The following GALNT9 variants were observed in gnomAD, a reference collection of about 807,000 sequenced individuals.
GALNT9 encodes the protein polypeptide N-acetylgalactosaminyltransferase 9.
In GALNT9, 47 loss-of-function variants were observed where a neutral mutation model predicts 63.1. The ratio of observed to expected loss-of-function variants is 0.75; its 90% confidence interval spans 0.59 to 0.95. The LOEUF (loss-of-function observed/expected upper bound fraction) is 0.95. Ranked by LOEUF, GALNT9 falls within the 40% of genes least tolerant of loss-of-function variation. GALNT9 has a pLI of 0.00. For missense variants in GALNT9, 829 were observed against 874.8 expected (o/e 0.95, Z 0.66); for synonymous variants, 396 against 365.7 (o/e 1.08, Z -0.94).
At position 132,201,395 on chromosome 12, in the gene GALNT9, A is replaced by AGGCCCCATCT. The variant is rs1555233498; in HGVS notation, c.1264-135_1264-134insAGATGGGGCC. On this transcript the variant is annotated intron_variant, in intron 7 of 10. Transcript: ENST00000328957. Reference sequence around the variant, plus strand: ...CCTCCCCCCCAGTATTCAGATGCTGAGGCCCCATCCAGTTGGGACCCCCCA... The same window carrying AGGCCCCATCT: ...CCTCCCCCCCAGTATTCAGATGCTGAGGCCCCATCTGGCCCCATCCAGTTGGGACCCCCCA... 3.1e-5 allele frequency: 19 copies of AGGCCCCATCT among 609,112 alleles called. 1 individual carries two copies. The highest frequency in any genetic ancestry group is 1.4e-4 in the South Asian group (7 of 51,276). 37.7% of individuals were successfully genotyped at this position (609,112 alleles called of 1,614,324 possible).
At chr12:132,197,670 G>T (rs1565979056) in intron 10 of GALNT9, 122 bp downstream of exon 10, 2 of 757,930 alleles carry the variant, frequency 2.6e-6, no homozygotes, top group Non-Finnish European at 4.3e-6. Flanking sequence ...CCGGTCCCCT[G>T]ACCACCCCCT....
chr12:132,262,326 G>A, intron 3 of GALNT9, 133 bp downstream of exon 3: 1 of 1,239,660 alleles, frequency 8.1e-7, no homozygotes, highest in Non-Finnish European at 1.1e-6. Flanking sequence ...GACCCCCATA[G>A]GTTTAGAGCC....
intron 7 of GALNT9, 54 bp downstream of exon 7, chr12:132,203,451 C>T (rs1413852458): frequency 6.3e-7 from 1 of 1,578,522 alleles, no homozygotes; most frequent in Non-Finnish European, 8.7e-7. Flanking sequence ...CCTGCCGTGG[C>T]ATTGACCCCG....
intron 5 of GALNT9, 49 bp from the exon 6 acceptor site, chr12:132,248,076 C>G (rs960037516): frequency 1.3e-6 from 2 of 1,514,778 alleles, no homozygotes; most frequent in African/African-American, 2.7e-5. Flanking sequence ...CAGGCCTGAG[C>G]CCTGCCTGCT....
rs371775879 is a variant in GALNT9 at position 132,322,339 on chromosome 12, G to A, written c.238+6627C>T. On this transcript the variant is annotated intron_variant, in intron 1 of 10. Coordinates refer to ENST00000328957, the MANE Select transcript of GALNT9 (RefSeq NM_001122636.2). Reference sequence around the variant, plus strand: ...GGTGGGGACATCTCTGCTCAGGCCCGCGTCCTCAGCGCAGTTCAGGAATGC... The same window carrying A: ...GGTGGGGACATCTCTGCTCAGGCCCACGTCCTCAGCGCAGTTCAGGAATGC... 2.2e-4 allele frequency among the ~76,000 whole-genome samples: 33 copies of A among 152,358 alleles called. 1 individual carries two copies. In the East Asian group the frequency reaches 2.7e-3, roughly 12 times the overall value.
intron 4 of GALNT9, among the ~76,000 whole-genome samples, chr12:132,258,963 G>A (rs1461500460): frequency 4.6e-5 from 7 of 152,244 alleles, no homozygotes; most frequent in African/African-American, 1.7e-4. Flanking sequence ...CTCAGGCAGA[G>A]CCGGCATGGG....
At chr12:132,263,923 T>C (rs1879500940) in intron 2 of GALNT9, among the ~76,000 whole-genome samples, 1 of 152,160 alleles carries the variant, frequency 6.6e-6, no homozygotes, top group Non-Finnish European at 1.5e-5. Flanking sequence ...GTCTCGGGCC[T>C]GGCTGCGGGG....
At chr12:132,303,710 C>A (rs1271497165) in intron 1 of GALNT9, among the ~76,000 whole-genome samples, 1 of 27,122 alleles carries the variant, frequency 3.7e-5, no homozygotes, top group Non-Finnish European at 7.8e-5. Flanking sequence ...CCGGGGCACA[C>A]CCTCACCCGG....
intron 1 of GALNT9, among the ~76,000 whole-genome samples, chr12:132,303,782 C>G (rs1233049860): frequency 5.7e-5 from 3 of 52,564 alleles, no homozygotes; most frequent in Non-Finnish European, 3.5e-5. Context: ...CACCCTCACC[C>G]GGGCACACCC....
At position 132,197,933 on chromosome 12, in the gene GALNT9, C is replaced by T; in HGVS notation, c.1524G>A (p.Leu508=). 1 of 1,611,378 alleles carries T rather than the reference C, an allele frequency of 6.2e-7. No individual in the cohort carries two copies. The highest frequency in any genetic ancestry group is 8.5e-7 in the Non-Finnish European group (1 of 1,179,320). ...SQLVRYSADG[L]LQLGPLGSTA... is the part of the protein sequence containing the mutation. ...TGGAGCCCAGAGGCCCCAGCTGCAG[C>T]AGTCCATCAGCGCTGTACCGCACCA... Residue 508 remains leucine, a synonymous_variant, in exon 10 of 11, where the codon CTG becomes CTA. Transcript: ENST00000328957.
intron 6 of GALNT9, among the ~76,000 whole-genome samples, chr12:132,216,738 A>T (rs1439648064): frequency 2.0e-5 from 3 of 152,218 alleles, no homozygotes. Flanking sequence ...GACTGGAGAG[A>T]AGCCGTGGCT....
At chr12:132,272,514 G>A (rs575225395) in intron 2 of GALNT9, among the ~76,000 whole-genome samples, 54 of 152,306 alleles carry the variant, frequency 3.5e-4, no homozygotes, top group Non-Finnish European at 5.7e-4. Context: ...TGTGTTTTCC[G>A]CAGGAGAATG....
rs1877529554 is a variant in GALNT9 at position 132,223,068 on chromosome 12, CCACATACACCCCA to C, written c.1078-19391_1078-19379del. On this transcript the variant is annotated intron_variant, in intron 6 of 10. Coordinates refer to ENST00000328957, the MANE Select transcript of GALNT9 (RefSeq NM_001122636.2). ...ACAGACACACCACACAACCCACACC[CCACATACACCCCA>C]CACACACACCCCACACCCTACACAA... 1.7e-5 allele frequency among the ~76,000 whole-genome samples: 2 copies of C among 119,170 alleles called. 1 individual carries two copies. The highest frequency in any genetic ancestry group is 3.3e-5 in the Non-Finnish European group (2 of 60,118). 78.2% of individuals were successfully genotyped at this position (119,170 alleles called of 152,430 possible).
chr12:132,304,102 C>T (rs1881450087), intron 1 of GALNT9, among the ~76,000 whole-genome samples: 1 of 36,932 alleles, frequency 2.7e-5, no homozygotes, highest in Non-Finnish European at 4.9e-5. Context: ...CACCCTCACC[C>T]AGACACAGCC....
rs782805629 is a variant in GALNT9 at position 132,316,588 on chromosome 12, C to T, written c.238+12378G>A. On this transcript the variant is annotated intron_variant, in intron 1 of 10. Coordinates refer to ENST00000328957, the MANE Select transcript of GALNT9 (RefSeq NM_001122636.2). The surrounding 1 kb of genome is among the most constrained non-coding windows in gnomAD (Gnocchi z 4.3). The stretch of plus-strand genomic sequence containing the variant: ...AGGTGCGAGGTGCTGCCAGGACCTC[C>T]CGGGTCCTCATCCCTCCTCCTGCCA... 6.6e-6 allele frequency among the ~76,000 whole-genome samples: 1 copy of T among 152,018 alleles called. No homozygotes were observed. The highest frequency in any genetic ancestry group is 1.5e-5 in the Non-Finnish European group (1 of 67,986).
At chr12:132,202,086 T>C (rs1876188414) in intron 7 of GALNT9, among the ~76,000 whole-genome samples, 1 of 152,254 alleles carries the variant, frequency 6.6e-6, no homozygotes, top group Non-Finnish European at 1.5e-5. Flanking sequence ...CTATCTTCTC[T>C]GTGCCTCAGT....
chr12:132,203,455 G>A, intron 7 of GALNT9, 50 bp downstream of exon 7: 1 of 1,590,848 alleles, frequency 6.3e-7, no homozygotes, highest in Non-Finnish European at 8.6e-7. Flanking sequence ...CCGTGGCATT[G>A]ACCCCGACCC....
chr12:132,321,243 C>G (rs28665891), intron 1 of GALNT9, among the ~76,000 whole-genome samples: 82,855 of 143,236 alleles, frequency 0.58, 24,253 homozygotes, highest in East Asian at 0.75. Context: ...AGGCCCCTGT[C>G]GGTCCGGAGT....
At chr12:132,302,988 C>T (rs1555243977) in intron 1 of GALNT9, among the ~76,000 whole-genome samples, 2 of 152,112 alleles carry the variant, frequency 1.3e-5, no homozygotes, top group Non-Finnish European at 1.5e-5. Context: ...GGGTGGAACC[C>T]AGGGGCCTGT....
Sources: gnomAD v4.1 joint callset for allele counts (sites outside exome capture counted in the v4.1 genomes callset) on GRCh38, gnomAD v4.1.1 for gene constraint, Gnocchi (gnomAD v3.1) non-coding constraint, MANE v1.5 for transcripts, NCBI Gene and HGNC (gene_info 2026-07-23, HGNC 2026-07-21) for gene names.